Variants in SH3RF3 observed in about 807,000 individuals in gnomAD.
SH3RF3 encodes the protein SH3 domain containing ring finger 3.
Under a neutral mutation model 66.3 loss-of-function variants are expected in SH3RF3, and 29 were observed. The ratio of observed to expected loss-of-function variants is 0.44; its 90% CI spans 0.33 to 0.60. The LOEUF (loss-of-function observed/expected upper bound fraction) is 0.60, where lower values mean the gene tolerates loss of function less well. SH3RF3 is among the 20% of genes least tolerant of loss of function. The probability of loss-of-function intolerance (pLI) is 0.04; values close to 1 mark genes in which losing one functional copy is unlikely to be tolerated. For missense variants in SH3RF3, 1,194 were observed against 1,190.9 expected, an observed-to-expected ratio of 1.00 and a Z score of -0.04; for synonymous variants, 583 against 532.0, an observed-to-expected ratio of 1.10 and a Z score of -1.32.
At chr2:109,434,040 C>T (rs1446975058) in intron 6 of SH3RF3, among the ~76,000 whole-genome samples, 1 of 152,234 alleles carries the variant, frequency 6.6e-6, no homozygotes, top group East Asian at 1.9e-4. Context: ...CCAGTAGGAA[C>T]AGGTTGGCTC....
intron 1 of SH3RF3, among the ~76,000 whole-genome samples, chr2:109,180,783 C>T (rs1387402105): frequency 6.6e-6 from 1 of 152,150 alleles, no homozygotes; most frequent in African/African-American, 2.4e-5. Flanking sequence ...GTAAATTGCC[C>T]AGTCTCTGGT....
rs998947601 is a variant in SH3RF3, at chr2:109,449,391, A to G, written c.2050A>G (p.Asn684Asp). ...CACACCTCCCAACGTCAGTGCCGCAAACCTCAACGGGGAGGCTGGAGGGGG... is the reference window on the plus strand; with the variant it reads ...CACACCTCCCAACGTCAGTGCCGCAGACCTCAACGGGGAGGCTGGAGGGGG... ...AITPPNVSAA[N>D]LNGEAGGGPI... is the part of the protein sequence containing the mutation. The change falls in exon 8 of 10, where the codon AAC (asparagine) becomes GAC (aspartate). Residue 684 changes from asparagine (N) to aspartate (D), a missense_variant. Physicochemically the swap from Asn to Asp is conservative, Grantham distance 23. Coordinates refer to ENST00000309415, the MANE Select transcript of SH3RF3 (RefSeq NM_001099289.3). 6.2e-6 allele frequency: 10 copies of G among 1,612,498 alleles called. No individual in the cohort carries two copies. Among genetic ancestry groups the G allele is most frequent in the African/African-American group, 1.3e-5 (1 of 74,868 alleles).
intron 5 of SH3RF3, among the ~76,000 whole-genome samples, chr2:109,422,628 GC>G (rs1188040952): frequency 6.6e-6 from 1 of 152,064 alleles, no homozygotes; most frequent in Non-Finnish European, 1.5e-5. Context: ...GGGCTTGTCC[GC>G]CATTCCTCTG....
At chr2:109,432,693 C>G (rs1487164103) in intron 6 of SH3RF3, 22 bp downstream of exon 6, 1 of 1,602,248 alleles carries the variant, frequency 6.2e-7, no homozygotes, top group Admixed American at 1.7e-5. Flanking sequence ...GTGGTGGCAG[C>G]CTGGGCAAGG....
chr2:109,388,270 C>G (rs2104403018), intron 3 of SH3RF3, among the ~76,000 whole-genome samples: 1 of 152,312 alleles, frequency 6.6e-6, no homozygotes, highest in South Asian at 2.1e-4. Context: ...GTAGCACTTT[C>G]ATTCAATTTT....
intron 1 of SH3RF3, among the ~76,000 whole-genome samples, chr2:109,151,111 G>T (rs1016555671): frequency 6.6e-6 from 1 of 152,238 alleles, no homozygotes; most frequent in Non-Finnish European, 1.5e-5. Flanking sequence ...CCTGCATTTG[G>T]TGAGGGGTGG....
intron 1 of SH3RF3, among the ~76,000 whole-genome samples, chr2:109,139,438 C>T (rs917157086): frequency 4.6e-5 from 7 of 152,178 alleles, no homozygotes; most frequent in Non-Finnish European, 8.8e-5. Flanking sequence ...CAGTCACACT[C>T]CTAATAGGAA....
In SH3RF3 at chr2:109,173,126, T is replaced by C. The variant is rs114555215; in HGVS notation, c.573+43013T>C. Among the ~76,000 whole-genome samples the C allele has an allele frequency of 3.6e-3, 543 of 152,378 alleles. 1 individual carries two copies. The highest frequency in any genetic ancestry group is 6.4e-3 in the Non-Finnish European group (434 of 68,042). On this transcript the variant is annotated intron_variant, in intron 1 of 9. Coordinates refer to ENST00000309415, the MANE Select transcript of SH3RF3 (RefSeq NM_001099289.3). ...CAATAAATGAACATCTTTTTTTAACTCAAATTTTAAAAATTTGTAACTTCT... is the reference window on the plus strand; with the variant it reads ...CAATAAATGAACATCTTTTTTTAACCCAAATTTTAAAAATTTGTAACTTCT...
At chr2:109,426,024 G>A (rs1371371044) in intron 5 of SH3RF3, among the ~76,000 whole-genome samples, 3 of 151,960 alleles carry the variant, frequency 2.0e-5, no homozygotes, top group South Asian at 2.1e-4. Context: ...CAGCCTTCCC[G>A]GTAGCTGGGA....
chr2:109,371,245 C>A (rs1267146511), intron 2 of SH3RF3, among the ~76,000 whole-genome samples: 2 of 152,238 alleles, frequency 1.3e-5, no homozygotes, highest in Non-Finnish European at 2.9e-5. Context: ...CAAAAATTAG[C>A]TGGGTGTGGT....
At chr2:109,219,720 A>C (rs1558965217) in intron 1 of SH3RF3, among the ~76,000 whole-genome samples, 1 of 152,234 alleles carries the variant, frequency 6.6e-6, no homozygotes, top group African/African-American at 2.4e-5. Flanking sequence ...AATACTTGGG[A>C]ATAAACTTGA....
At chr2:109,346,469 G>A (rs1304801828) in intron 1 of SH3RF3, among the ~76,000 whole-genome samples, 3 of 152,134 alleles carry the variant, frequency 2.0e-5, no homozygotes, top group African/African-American at 7.2e-5. Context: ...TGCGGCTTCT[G>A]GTAGGAAAAT....
chr2:109,171,068 C>T (rs1224687594), intron 1 of SH3RF3, among the ~76,000 whole-genome samples: 1 of 152,172 alleles, frequency 6.6e-6, no homozygotes, highest in Non-Finnish European at 1.5e-5. Flanking sequence ...GGTTCATGGG[C>T]ATCCTGGTTT....
chr2:109,273,840 T>A (rs947955650), intron 1 of SH3RF3, among the ~76,000 whole-genome samples: 1 of 152,096 alleles, frequency 6.6e-6, no homozygotes, highest in South Asian at 2.1e-4. Context: ...TGCTGATTGC[T>A]TATAAAGGGG....
chr2:109,184,936 T>G (rs1678153458), intron 1 of SH3RF3, among the ~76,000 whole-genome samples: 1 of 152,364 alleles, frequency 6.6e-6, no homozygotes, highest in African/African-American at 2.4e-5. Context: ...ATATACATTT[T>G]CCATTTATTT....
At chr2:109,159,166 G>C (rs562769084) in intron 1 of SH3RF3, among the ~76,000 whole-genome samples, 14 of 152,300 alleles carry the variant, frequency 9.2e-5, no homozygotes, top group African/African-American at 3.4e-4. Context: ...CCCATGAGAA[G>C]GGGACTCAGG....
chr2:109,130,173 G>C (rs999213037), intron 1 of SH3RF3, 60 bp downstream of exon 1: 2 of 1,242,986 alleles, frequency 1.6e-6, no homozygotes, highest in African/African-American at 3.1e-5. Flanking sequence ...GTGGGTGCTT[G>C]GGCGTGGGGG....
chr2:109,312,008 C>G (rs1574566009), intron 1 of SH3RF3, among the ~76,000 whole-genome samples: 1 of 148,906 alleles, frequency 6.7e-6, no homozygotes, highest in African/African-American at 2.6e-5. Context: ...TGGTGCTGTC[C>G]AGTTTTGAAC....
intron 8 of SH3RF3, among the ~76,000 whole-genome samples, chr2:109,475,262 C>A (rs780739774): frequency 2.0e-5 from 3 of 152,240 alleles, no homozygotes; most frequent in African/African-American, 7.2e-5. Context: ...CAGGCGTGAG[C>A]CACCACGCCC....
Sources: gnomAD v4.1 joint callset for allele counts (sites outside exome capture counted in the v4.1 genomes callset) on GRCh38, gnomAD v4.1.1 for gene constraint, MANE v1.5 for transcripts, NCBI Gene and HGNC (gene_info 2026-07-23, HGNC 2026-07-21) for gene names.